Variants in HDAC9 observed in about 807,000 individuals in gnomAD.
The protein encoded by HDAC9 is MEF-2 interacting transcription repressor (MITR) protein.
Under a neutral mutation model 139.4 loss-of-function variants are expected in HDAC9, and 41 were observed. That is an observed-to-expected ratio of 0.29 (90% confidence interval 0.23 to 0.38). HDAC9 has a LOEUF of 0.38. Among genes scored for constraint, HDAC9 ranks in the 10% least tolerant of loss-of-function variants. The pLI, the probability that HDAC9 is intolerant of heterozygous loss-of-function variation, is 1.00. For synonymous variants in HDAC9, 517 were observed against 476.2 expected (o/e 1.09, Z -1.12); for missense variants, 1,147 against 1,297.0 (o/e 0.88, Z 1.78).
At chr7:18,858,027 A>C (rs993318557) in intron 21 of HDAC9, among the ~76,000 whole-genome samples, 1 of 152,184 alleles carries the variant, frequency 6.6e-6, no homozygotes, top group Non-Finnish European at 1.5e-5. Flanking sequence ...TTAGTTTTCA[A>C]ATGTTTATCC....
At chr7:18,220,650 G>T (rs1438740762) in intron 2 of HDAC9, among the ~76,000 whole-genome samples, 5 of 152,150 alleles carry the variant, frequency 3.3e-5, no homozygotes, top group African/African-American at 1.2e-4. Context: ...TCTGTGTTTG[G>T]GATGCAGTAT....
At chr7:18,951,269 A>T (rs1000870799) in intron 23 of HDAC9, among the ~76,000 whole-genome samples, 2 of 152,030 alleles carry the variant, frequency 1.3e-5, no homozygotes, top group Non-Finnish European at 2.9e-5. Flanking sequence ...CTTAACAAAC[A>T]TCTGAATCAT....
intron 1 of HDAC9, among the ~76,000 whole-genome samples, chr7:18,158,245 A>T (rs1787371982): frequency 6.6e-6 from 1 of 152,224 alleles, no homozygotes; most frequent in Admixed American, 6.5e-5. Flanking sequence ...GATTATTGTG[A>T]TGTTCAAGGA....
chr7:18,364,390 A>T (rs1300367167), intron 1 of HDAC9, among the ~76,000 whole-genome samples: 1 of 152,144 alleles, frequency 6.6e-6, no homozygotes, highest in Non-Finnish European at 1.5e-5. Context: ...ACTTGTATTA[A>T]CATTAGAAAT....
chr7:18,114,706 G>C (rs1184840529), intron 1 of HDAC9, among the ~76,000 whole-genome samples: 2 of 152,166 alleles, frequency 1.3e-5, no homozygotes, highest in Non-Finnish European at 2.9e-5. Context: ...TCATTCTCAA[G>C]CATGGCTGCT....
chr7:18,569,767 C>G (rs1461651698), intron 2 of HDAC9, among the ~76,000 whole-genome samples: 1 of 152,122 alleles, frequency 6.6e-6, no homozygotes, highest in African/African-American at 2.4e-5. Context: ...CTGACAGCCT[C>G]AGGCTCCTCT....
At chr7:18,234,279 A>T (rs1051396643) in intron 2 of HDAC9, among the ~76,000 whole-genome samples, 3 of 152,182 alleles carry the variant, frequency 2.0e-5, no homozygotes, top group African/African-American at 7.2e-5. Context: ...GGGGAACATA[A>T]TTGTATTTAA....
chr7:18,176,861 A>G (rs1448530196), intron 2 of HDAC9, among the ~76,000 whole-genome samples: 3 of 152,334 alleles, frequency 2.0e-5, no homozygotes, highest in East Asian at 3.9e-4. Flanking sequence ...CTTTATGTTT[A>G]AAGTGAAACA....
intron 1 of HDAC9, among the ~76,000 whole-genome samples, chr7:18,358,331 A>G (rs1406976966): frequency 6.6e-6 from 1 of 152,234 alleles, no homozygotes; most frequent in African/African-American, 2.4e-5. Flanking sequence ...GAGCACAAAC[A>G]CTTATGTAGG....
At chr7:18,088,594 T>C (rs1781945849) in intron 1 of HDAC9, among the ~76,000 whole-genome samples, 1 of 152,238 alleles carries the variant, frequency 6.6e-6, no homozygotes, top group Non-Finnish European at 1.5e-5. Flanking sequence ...CAGAATAAGT[T>C]GCATTTAAGA....
chr7:18,286,214 T>C (rs1797440659), upstream of HDAC9, among the ~76,000 whole-genome samples: 1 of 151,926 alleles, frequency 6.6e-6, no homozygotes, highest in Non-Finnish European at 1.5e-5. Context: ...CCTTTCAAAA[T>C]AAGCACCGTG....
chr7:18,854,412 G>T (rs1797523632), intron 21 of HDAC9, among the ~76,000 whole-genome samples: 1 of 152,034 alleles, frequency 6.6e-6, no homozygotes, highest in African/African-American at 2.4e-5. Context: ...ATTCTTATGG[G>T]GTTCAAGGTA....
At chr7:18,321,383 G>T (rs1203893304) in intron 1 of HDAC9, among the ~76,000 whole-genome samples, 2 of 151,936 alleles carry the variant, frequency 1.3e-5, no homozygotes, top group South Asian at 4.1e-4. Context: ...CATATTCCAT[G>T]TACCACACAA....
intron 2 of HDAC9, among the ~76,000 whole-genome samples, chr7:18,227,253 G>A (rs1214060516): frequency 6.6e-6 from 1 of 151,998 alleles, no homozygotes; most frequent in Non-Finnish European, 1.5e-5. Flanking sequence ...ATTTTCTTTA[G>A]TTTTCTGATG....
At chr7:18,375,023 A>G (rs994901228) in intron 1 of HDAC9, among the ~76,000 whole-genome samples, 1 of 152,206 alleles carries the variant, frequency 6.6e-6, no homozygotes, top group Non-Finnish European at 1.5e-5. Flanking sequence ...GATAATAATT[A>G]TGTTACTGGT....
At chr7:18,636,427 A>G (rs1783918101) in intron 8 of HDAC9, among the ~76,000 whole-genome samples, 1 of 152,066 alleles carries the variant, frequency 6.6e-6, no homozygotes. Flanking sequence ...AACTTGACTT[A>G]TCATGGCACC....
rs748034635 is a variant in HDAC9 at position 18,727,585 on chromosome 7, C to T, written c.1737C>T (p.Phe579=). ...TGCTCTTTTCTTGGCAACAGCCTTT[C>T]CTGGAACCCACGCACACACGTGCGC... ...GEQAAFMQQP[F]LEPTHTRALS... The change falls in exon 13 of 26, where the codon TTC becomes TTT. Residue 579 remains phenylalanine (F), a synonymous_variant. Transcript: ENST00000686413. 3 of 1,594,122 alleles carry T rather than the reference C, an allele frequency of 1.9e-6. No individual in the cohort carries two copies. Among genetic ancestry groups the T allele is most frequent in the Non-Finnish European group, 2.6e-6 (3 of 1,170,930 alleles).
At chr7:18,946,714 A>G (rs1782431444) in intron 23 of HDAC9, among the ~76,000 whole-genome samples, 1 of 152,098 alleles carries the variant, frequency 6.6e-6, no homozygotes. Context: ...CAATCATCAT[A>G]ACAAATTTTA....
intron 12 of HDAC9, among the ~76,000 whole-genome samples, chr7:18,689,230 C>T (rs1008488097): frequency 8.3e-6 from 1 of 120,402 alleles, no homozygotes; most frequent in Non-Finnish European, 1.6e-5. Context: ...ATTGCAACTT[C>T]CAAATGAATA....
Sources: gnomAD v4.1 joint callset for allele counts (sites outside exome capture counted in the v4.1 genomes callset) on GRCh38, gnomAD v4.1.1 for gene constraint, MANE v1.5 for transcripts, NCBI Gene and HGNC (gene_info 2026-07-23, HGNC 2026-07-21) for gene names.